Variants in SNRPN observed in about 807,000 individuals in gnomAD.
SNRPN encodes small nuclear ribonucleoprotein-associated protein N.
Under a neutral mutation model 25.2 loss-of-function variants are expected in SNRPN, and 7 were observed. The ratio of observed to expected loss-of-function variants is 0.28; its 90% confidence interval spans 0.16 to 0.52. SNRPN has a LOEUF of 0.52. Among genes scored for constraint, SNRPN ranks in the 20% least tolerant of loss-of-function variants. The probability of loss-of-function intolerance (pLI) is 0.96; values close to 1 mark genes in which losing one functional copy is unlikely to be tolerated. For missense variants in SNRPN, 196 were observed against 322.5 expected (o/e 0.61, Z 3.00); for synonymous variants, 124 against 110.6 (o/e 1.12, Z -0.76).
intron 2 of SNRPN, chr15:24,848,786 G>A (rs931257817): frequency 2.0e-5 from 3 of 151,874 alleles, no homozygotes; most frequent in African/African-American, 7.3e-5. Context: ...AGGTGTTGTA[G>A]GGGCTTCAAG....
intron 3 of SNRPN, among the ~76,000 whole-genome samples, chr15:24,971,406 G>A (rs779421199): frequency 4.0e-4 from 61 of 152,060 alleles, no homozygotes; most frequent in Non-Finnish European, 7.5e-4. Flanking sequence ...TCACATTTAG[G>A]GATGAGAGAG....
intron 2 of SNRPN, among the ~76,000 whole-genome samples, chr15:24,847,882 T>C (rs548016973): frequency 2.6e-5 from 4 of 152,074 alleles, no homozygotes; most frequent in Admixed American, 2.0e-4. Context: ...GACTTTGCAG[T>C]GTTGCAGTGT....
chr15:24,915,884 T>A lies in SNRPN; in HGVS notation c.-504-4127T>A, dbSNP rs376589912. Among the ~76,000 whole-genome samples, 13 of 152,048 alleles carry A rather than the reference T, an allele frequency of 8.5e-5. 2 individuals are homozygous for A. Among genetic ancestry groups the A allele is most frequent in the African/African-American group, 2.9e-4 (12 of 41,416 alleles). On this transcript the variant is annotated intron_variant, in intron 2 of 11. Transcript: ENST00000400097. ...AAATTTAGGAATGATATTCAGCTAGTTCTATAGTTTTTTATTCCTTGAATA... is the reference window on the plus strand; with the variant it reads ...AAATTTAGGAATGATATTCAGCTAGATCTATAGTTTTTTATTCCTTGAATA...
At chr15:24,972,778 G>GATT (rs1372987683) in intron 3 of SNRPN, among the ~76,000 whole-genome samples, 1 of 139,606 alleles carries the variant, frequency 7.2e-6, no homozygotes, top group Admixed American at 7.3e-5. Context: ...ATGCATGCTT[G>GATT]ATTACGGTCA....
intron 1 of SNRPN, among the ~76,000 whole-genome samples, chr15:24,862,796 G>A (rs2054113863): frequency 6.6e-6 from 1 of 150,764 alleles, no homozygotes; most frequent in African/African-American, 2.5e-5. Context: ...TGAAGAGTGA[G>A]GGGCAGGGGA....
rs143112021 is a variant in SNRPN at position 24,914,317 on chromosome 15, C to T, written c.-504-5694C>T. On this transcript the variant is annotated intron_variant, in intron 2 of 11. Transcript: ENST00000400097. The stretch of plus-strand genomic sequence containing the variant: ...GAAATAATTTTCACCCTACAAAGAG[C>T]CAGGAAAAAGACCTTCCATTCCAGG... Among the ~76,000 whole-genome samples, 3 of 152,174 alleles carry T rather than the reference C, an allele frequency of 2.0e-5. No individual in the cohort carries two copies. The East Asian group carries it at 5.8e-4, about 29-fold the overall frequency.
intron 2 of SNRPN, among the ~76,000 whole-genome samples, chr15:24,893,660 C>T (rs2057853966): frequency 6.6e-6 from 1 of 151,038 alleles, no homozygotes; most frequent in Non-Finnish European, 1.5e-5. Flanking sequence ...AGGTTTTGGT[C>T]AAGAGGAAAG....
chr15:24,865,672 A>G (rs967120687), intron 1 of SNRPN, among the ~76,000 whole-genome samples: 1 of 152,222 alleles, frequency 6.6e-6, no homozygotes, highest in Non-Finnish European at 1.5e-5. Flanking sequence ...TTATTCTTCA[A>G]CTATAGGGGT....
At chr15:24,959,256 T>C (rs2074377983) in intron 1 of SNRPN, among the ~76,000 whole-genome samples, 1 of 152,166 alleles carries the variant, frequency 6.6e-6, no homozygotes, top group South Asian at 2.1e-4. Context: ...TAAATGCATG[T>C]GTGTGTGTAT....
At chr15:24,878,403 G>A (rs1008428990) in intron 1 of SNRPN, among the ~76,000 whole-genome samples, 3 of 152,206 alleles carry the variant, frequency 2.0e-5, no homozygotes, top group Non-Finnish European at 4.4e-5. Context: ...ACGGCAGCCC[G>A]CAGGGGCCGA....
intron 2 of SNRPN, among the ~76,000 whole-genome samples, chr15:24,908,229 C>T (rs369228393): frequency 6.6e-5 from 10 of 152,104 alleles, no homozygotes; most frequent in East Asian, 5.8e-4. Context: ...TTATGCTTAG[C>T]GGCACAACTG....
intron 1 of SNRPN, among the ~76,000 whole-genome samples, chr15:24,957,622 TAACAG>T (rs1463418992): frequency 6.6e-6 from 1 of 152,222 alleles, no homozygotes; most frequent in African/African-American, 2.4e-5. Context: ...GAGTTGTAAT[TAACAG>T]AAAAGTTAAA....
At chr15:24,977,689 C>T in intron 7 of SNRPN, 89 bp from the exon 8 acceptor site, 1 of 1,274,376 alleles carries the variant, frequency 7.8e-7, no homozygotes, top group Non-Finnish European at 1.1e-6. Flanking sequence ...TTGTTTGTAA[C>T]TAATTGGTCA....
intron 2 of SNRPN, among the ~76,000 whole-genome samples, chr15:24,848,066 G>T (rs983606934): frequency 4.6e-5 from 7 of 151,910 alleles, no homozygotes; most frequent in Admixed American, 4.6e-4. Flanking sequence ...CCGTGGCAGG[G>T]CCGGGACTCC....
At chr15:24,881,603 GAGAGAGAGAGAGAGAGA>G (rs1566864549) in intron 1 of SNRPN, among the ~76,000 whole-genome samples, 6 of 59,258 alleles carry the variant, frequency 1.0e-4, no homozygotes, top group East Asian at 8.2e-4. Flanking sequence ...GAGAGAGAGA[GAGAGAGAGAGAGAGAGA>G]AAGTCACAGT....
chr15:24,963,167 T>C (rs1430783080), intron 2 of SNRPN, among the ~76,000 whole-genome samples: 1 of 152,358 alleles, frequency 6.6e-6, no homozygotes, highest in African/African-American at 2.4e-5. Flanking sequence ...ACAATATGTC[T>C]TGGTGATCTT....
intron 3 of SNRPN, among the ~76,000 whole-genome samples, chr15:24,921,752 C>T (rs564070590): frequency 2.7e-4 from 41 of 152,308 alleles, no homozygotes; most frequent in Middle Eastern, 6.8e-3. Flanking sequence ...CCTATTGAAA[C>T]TGGCTTTTCT....
Position 24,918,912 on chromosome 15 carries a change from TATATAACATA to T in SNRPN, c.-504-1093_-504-1084del, listed in dbSNP as rs1220233324. The stretch of plus-strand genomic sequence containing the variant: ...AACATAATATATATATGTGCACATA[TATATAACATA>T]ATATATATATGCGCACATATATATA... On this transcript the variant is annotated intron_variant, in intron 2 of 11. Coordinates refer to the SNRPN transcript ENST00000400097. 3.7e-4 allele frequency among the ~76,000 whole-genome samples: 26 copies of T among 70,108 alleles called. 7 individuals are homozygous for T. Among genetic ancestry groups the T allele is most frequent in the Non-Finnish European group, 6.2e-4 (22 of 35,768 alleles). The allele number at this position is 70,108 out of a possible 152,430, so 46.0% of individuals were successfully genotyped here.
At chr15:24,833,714 GA>G (rs35341372) in intron 2 of SNRPN, among the ~76,000 whole-genome samples, 86,011 of 151,590 alleles carry the variant, frequency 0.57, 24,750 homozygotes, top group East Asian at 0.83. Context: ...CAGGAGGCAG[GA>G]AGCAGACATT....
Sources: allele counts gnomAD v4.1 joint callset (sites outside exome capture counted in the v4.1 genomes callset), GRCh38; gene constraint gnomAD v4.1.1; transcripts MANE v1.5; gene names NCBI Gene and HGNC (gene_info 2026-07-23, HGNC 2026-07-21).